Variants in GRIK2 observed in about 807,000 individuals in gnomAD.
GRIK2 encodes glutamate ionotropic receptor kainate type subunit 2, also known as glutamate receptor ionotropic, kainate 2.
A neutral mutation model predicts 100.3 loss-of-function variants in GRIK2; 32 were observed. That is an observed-to-expected ratio of 0.32 (90% CI 0.24 to 0.43). The LOEUF (loss-of-function observed/expected upper bound fraction) is 0.43. GRIK2 is among the 20% of genes least tolerant of loss of function. The pLI is 1.00. For synonymous variants in GRIK2, 417 were observed against 389.4 expected, an observed-to-expected ratio of 1.07 and a Z score of -0.83; for missense variants, 843 against 1,114.9, an observed-to-expected ratio of 0.76 and a Z score of 3.47.
intron 14 of GRIK2, among the ~76,000 whole-genome samples, chr6:102,020,350 G>A (rs949159878): frequency 1.3e-5 from 2 of 151,920 alleles, no homozygotes; most frequent in East Asian, 3.9e-4. Flanking sequence ...TAGTAGGGAA[G>A]AGATATTGGG....
At chr6:101,891,569 G>T in intron 12 of GRIK2, 1 of 347,278 alleles carries the variant, frequency 2.9e-6, no homozygotes, top group Non-Finnish European at 5.5e-6. Context: ...TTTGCACACA[G>T]ATAATTTTTT....
intron 11 of GRIK2, among the ~76,000 whole-genome samples, chr6:101,876,679 A>C (rs1306197310): frequency 1.3e-5 from 2 of 151,876 alleles, no homozygotes; most frequent in African/African-American, 2.4e-5. Context: ...CCTTTGTTAA[A>C]ATAGTCAATT....
At chr6:101,916,952 AT>A (rs1051577801) in intron 12 of GRIK2, among the ~76,000 whole-genome samples, 1 of 151,628 alleles carries the variant, frequency 6.6e-6, no homozygotes, top group African/African-American at 2.4e-5. Flanking sequence ...AGATGTTCCC[AT>A]TTTATGCCTG....
At chr6:101,718,097 T>C (rs1170882140) in intron 7 of GRIK2, among the ~76,000 whole-genome samples, 6 of 152,028 alleles carry the variant, frequency 3.9e-5, no homozygotes, top group Admixed American at 2.6e-4. Context: ...TGTTTATTTT[T>C]ATATTTTATT....
intron 2 of GRIK2, among the ~76,000 whole-genome samples, chr6:101,484,843 T>C (rs768818939): frequency 6.6e-6 from 1 of 152,198 alleles, no homozygotes; most frequent in Non-Finnish European, 1.5e-5. Context: ...TATGAAATTA[T>C]AGGTACAGAA....
At chr6:102,061,813 T>C (rs1421047852) in intron 16 of GRIK2, among the ~76,000 whole-genome samples, 2 of 150,408 alleles carry the variant, frequency 1.3e-5, no homozygotes, top group South Asian at 2.1e-4. Flanking sequence ...CTTTTAAAAA[T>C]AATATCATTA....
At chr6:101,659,216 C>T (rs920549088) in intron 4 of GRIK2, among the ~76,000 whole-genome samples, 1 of 152,206 alleles carries the variant, frequency 6.6e-6, no homozygotes, top group Non-Finnish European at 1.5e-5. Flanking sequence ...GATCCAGATT[C>T]AGTTTTCTGC....
intron 14 of GRIK2, among the ~76,000 whole-genome samples, chr6:102,028,353 G>A (rs935194119): frequency 6.6e-6 from 1 of 151,130 alleles, no homozygotes; most frequent in Non-Finnish European, 1.5e-5. Context: ...AGTGTCTTCT[G>A]AACTGATTTT....
intron 7 of GRIK2, among the ~76,000 whole-genome samples, chr6:101,757,058 TGCTTTAAATA>T (rs1777178225): frequency 6.6e-6 from 1 of 152,164 alleles, no homozygotes; most frequent in African/African-American, 2.4e-5. Flanking sequence ...AGAAAAATCT[TGCTTTAAATA>T]GCTTTAAATG....
chr6:101,433,637 CT>C (rs202239555), intron 2 of GRIK2, among the ~76,000 whole-genome samples: 12 of 151,140 alleles, frequency 7.9e-5, no homozygotes, highest in South Asian at 2.1e-4. Context: ...AGGTACTATT[CT>C]TTTTTTTTCT....
intron 2 of GRIK2, among the ~76,000 whole-genome samples, chr6:101,422,913 T>A: frequency 6.6e-6 from 1 of 152,200 alleles, no homozygotes; most frequent in East Asian, 1.9e-4. Flanking sequence ...TACAGTGCAT[T>A]TTTTCTTATG....
chr6:101,503,317 G>C (rs548290693), intron 2 of GRIK2, among the ~76,000 whole-genome samples: 2 of 152,138 alleles, frequency 1.3e-5, no homozygotes, highest in Non-Finnish European at 2.9e-5. Flanking sequence ...AGCACAGATA[G>C]TGTAGACTAC....
chr6:102,055,217 T>C (rs957329016), intron 15 of GRIK2, 113 bp from the exon 16 acceptor site: 59 of 689,798 alleles, frequency 8.6e-5, no homozygotes, highest in Non-Finnish European at 1.2e-4. Flanking sequence ...TGAAAAAACA[T>C]TGGCACACTT....
chr6:101,624,451 A>T (rs1411990730), intron 3 of GRIK2, among the ~76,000 whole-genome samples: 1 of 152,170 alleles, frequency 6.6e-6, no homozygotes, highest in East Asian at 1.9e-4. Context: ...GATCATATTG[A>T]TTTTTAAAGA....
intron 7 of GRIK2, among the ~76,000 whole-genome samples, chr6:101,710,493 G>C (rs1342093167): frequency 6.6e-6 from 1 of 151,890 alleles, no homozygotes; most frequent in East Asian, 1.9e-4. Context: ...AGAAATTTTA[G>C]TTTGAATCAA....
At chr6:101,493,504 TAATC>T (rs1375734882) in intron 2 of GRIK2, among the ~76,000 whole-genome samples, 29 of 152,180 alleles carry the variant, frequency 1.9e-4, no homozygotes, top group Non-Finnish European at 1.2e-4. Flanking sequence ...AATCAAATAA[TAATC>T]AAAATTATTT....
At chr6:101,591,194 A>ATT (rs148659120) in intron 2 of GRIK2, among the ~76,000 whole-genome samples, 66 of 144,278 alleles carry the variant, frequency 4.6e-4, no homozygotes, top group Non-Finnish European at 7.8e-4. Context: ...TTTTTGTTCC[A>ATT]TTTTTTTTTT....
At chr6:101,538,080 A>C (rs1775802537) in intron 2 of GRIK2, among the ~76,000 whole-genome samples, 1 of 151,812 alleles carries the variant, frequency 6.6e-6, no homozygotes, top group Non-Finnish European at 1.5e-5. Flanking sequence ...ATAATAGCAT[A>C]TCATAACCTA....
intron 14 of GRIK2, among the ~76,000 whole-genome samples, chr6:102,026,111 C>CATATATATATATATATAT (rs6149730): frequency 5.0e-5 from 5 of 100,234 alleles, no homozygotes; most frequent in Admixed American, 1.0e-4. Flanking sequence ...TATACACTTA[C>CATATATATATATATATAT]ATATATATAT....
Sources: allele counts gnomAD v4.1 joint callset (sites outside exome capture counted in the v4.1 genomes callset), GRCh38; gene constraint gnomAD v4.1.1; transcripts MANE v1.5; gene names NCBI Gene and HGNC (gene_info 2026-07-23, HGNC 2026-07-21).